The following PEX5L variants were observed in gnomAD, a reference collection of about 807,000 sequenced individuals.
PEX5L encodes the protein PEX5-related protein.
PEX5L carries 30 observed loss-of-function variants against 84.0 expected under a neutral mutation model. That is an observed-to-expected ratio of 0.36 (90% CI 0.27 to 0.48). The LOEUF is 0.48. Among genes scored for constraint, PEX5L ranks in the 20% least tolerant of loss-of-function variants. The pLI is 0.99. For synonymous variants in PEX5L, 270 were observed against 283.1 expected (o/e 0.95, Z 0.46); for missense variants, 533 against 754.6 (o/e 0.71, Z 3.44).
At chr3:180,022,984 A>G (rs1370478613) in intron 1 of PEX5L, among the ~76,000 whole-genome samples, 1 of 152,192 alleles carries the variant, frequency 6.6e-6, no homozygotes, top group Admixed American at 6.5e-5. Flanking sequence ...TCTACCCTCC[A>G]AGGCCACCGC....
chr3:180,010,069 G>A (rs1042469617), intron 1 of PEX5L, among the ~76,000 whole-genome samples: 25 of 151,588 alleles, frequency 1.6e-4, no homozygotes, highest in Admixed American at 3.9e-4. Flanking sequence ...TCAGCCTCCC[G>A]AATAGCTGGG....
At chr3:179,995,856 T>C (rs562300153) in intron 1 of PEX5L, among the ~76,000 whole-genome samples, 8 of 152,226 alleles carry the variant, frequency 5.3e-5, no homozygotes, top group Non-Finnish European at 1.0e-4. Context: ...AGCGCATTGA[T>C]TGGAAAAGAA....
chr3:179,806,190 A>G (rs1274333458), intron 14 of PEX5L, among the ~76,000 whole-genome samples: 2 of 152,138 alleles, frequency 1.3e-5, no homozygotes, highest in Non-Finnish European at 2.9e-5. Context: ...AAAAAAAGTG[A>G]ATGAAAGACG....
chr3:179,887,725 G>A lies in PEX5L; in HGVS notation c.258C>T (p.Leu86=), dbSNP rs1280992012. The A allele has an allele frequency of 6.2e-6, 10 of 1,614,040 alleles. No individual in the cohort carries two copies. Among genetic ancestry groups the A allele is most frequent in the Admixed American group, 3.3e-5 (2 of 60,008 alleles). Residue 86 remains leucine, a synonymous_variant, in exon 4 of 15, where the codon CTC becomes CTT. Coordinates refer to ENST00000467460, the MANE Select transcript of PEX5L (RefSeq NM_016559.3). ...CTATTGCTTCCGATTTGGTTTCACA[G>A]AGAAAGTCATCGATGGAGGGACTCA... ...PLLSPSIDDF[L]CETKSEAIAR...
At chr3:179,901,830 G>T (rs1025549367) in intron 2 of PEX5L, 1 of 152,140 alleles carries the variant, frequency 6.6e-6, no homozygotes, top group Non-Finnish European at 1.5e-5. Flanking sequence ...ATAAGAGCAG[G>T]CACAAATGGA....
At chr3:179,955,798 C>A in intron 2 of PEX5L, among the ~76,000 whole-genome samples, 1 of 151,960 alleles carries the variant, frequency 6.6e-6, no homozygotes, top group African/African-American at 2.4e-5. Flanking sequence ...AGAAAGTTAT[C>A]TAAATAATCA....
intron 10 of PEX5L, among the ~76,000 whole-genome samples, chr3:179,812,154 G>A (rs1278285723): frequency 6.6e-6 from 1 of 151,954 alleles, no homozygotes; most frequent in East Asian, 1.9e-4. Flanking sequence ...CGTTATATTA[G>A]GTATCTTAAA....
rs190349569 is a variant in PEX5L, at chr3:179,975,418, C to G, written c.22-3753G>C. Among the ~76,000 whole-genome samples, 21 of 152,194 alleles carry G rather than the reference C, an allele frequency of 1.4e-4. No individual in the cohort carries two copies. The East Asian group carries it at 4.1e-3, about 29-fold the overall frequency. ...AATTGAATTAAAAGGACTCTTCATA[C>G]TCATTAGGAATGGAATATATAAAGA... On this transcript the variant is annotated intron_variant, in intron 1 of 14. Coordinates refer to ENST00000467460, the MANE Select transcript of PEX5L (RefSeq NM_016559.3).
chr3:179,995,042 CTA>C (rs150512881), intron 1 of PEX5L, among the ~76,000 whole-genome samples: 1,821 of 145,544 alleles, frequency 0.013, 37 homozygotes, highest in African/African-American at 0.042. Flanking sequence ...ATAAACTCCC[CTA>C]TATATATATA....
rs1717406042 is a variant in PEX5L at position 179,797,513 on chromosome 3, C to T, written c.*4315G>A. 6.7e-6 allele frequency: 1 copy of T among 148,742 alleles called. No homozygotes were observed. Among genetic ancestry groups the T allele is most frequent in the Non-Finnish European group, 1.5e-5 (1 of 67,572 alleles). 9.2% of individuals were successfully genotyped at this position (148,742 alleles called of 1,614,324 possible). A position where few individuals can be genotyped will look rare whatever the true frequency, so the allele number is the denominator to read the frequency against. On this transcript the variant is annotated 3_prime_UTR_variant, in exon 15 of 15. Coordinates refer to ENST00000467460, the MANE Select transcript of PEX5L (RefSeq NM_016559.3). ...ACTAATGCATGCAATATTTTTGTAC[C>T]TGAGGTTATACGTTTTGCTTTTAAA...
chr3:179,996,341 A>T (rs989648964), intron 1 of PEX5L, among the ~76,000 whole-genome samples: 16 of 152,170 alleles, frequency 1.1e-4, no homozygotes, highest in African/African-American at 3.6e-4. Flanking sequence ...GATCAGGCTG[A>T]TTTTATTGAT....
chr3:179,986,869 G>A (rs1368441103), intron 1 of PEX5L, among the ~76,000 whole-genome samples: 1 of 152,066 alleles, frequency 6.6e-6, no homozygotes, highest in Non-Finnish European at 1.5e-5. Context: ...ATAACATAAT[G>A]CAAAAATACA....
At chr3:179,919,550 C>T (rs551141254) in intron 2 of PEX5L, among the ~76,000 whole-genome samples, 23 of 152,180 alleles carry the variant, frequency 1.5e-4, no homozygotes, top group Admixed American at 3.9e-4. Flanking sequence ...TCTTCCCCCT[C>T]GAGTAATTCG....
intron 7 of PEX5L, among the ~76,000 whole-genome samples, chr3:179,867,939 T>C (rs1235460086): frequency 6.6e-6 from 1 of 152,068 alleles, no homozygotes; most frequent in Non-Finnish European, 1.5e-5. Context: ...AGAAGGGAAA[T>C]TGTGAATTAT....
intron 8 of PEX5L, among the ~76,000 whole-genome samples, chr3:179,824,661 G>A (rs183005421): frequency 7.7e-5 from 11 of 143,118 alleles, no homozygotes; most frequent in Middle Eastern, 3.9e-3. Flanking sequence ...AGCCGAGATC[G>A]TGCCATTGCA....
Position 180,025,447 on chromosome 3 carries a change from G to C in PEX5L, c.21+11132C>G, listed in dbSNP as rs997739690. Among the ~76,000 whole-genome samples, 9 of 152,230 alleles carry C rather than the reference G, an allele frequency of 5.9e-5. 1 individual carries two copies. The highest frequency in any genetic ancestry group is 2.2e-4 in the African/African-American group (9 of 41,538). On this transcript the variant is annotated intron_variant, in intron 1 of 14. Transcript: ENST00000467460. ...CCACAGATGAGCTTACAAGAAGTTG[G>C]GGAGACTGACAAAAATAAATAATTA...
At chr3:179,996,536 T>C (rs1400440083) in intron 1 of PEX5L, among the ~76,000 whole-genome samples, 1 of 152,160 alleles carries the variant, frequency 6.6e-6, no homozygotes, top group Non-Finnish European at 1.5e-5. Context: ...CTTAGGGAGA[T>C]TGGGATGGTA....
intron 11 of PEX5L, among the ~76,000 whole-genome samples, chr3:179,810,974 C>T (rs1420698955): frequency 6.6e-6 from 1 of 152,102 alleles, no homozygotes; most frequent in Non-Finnish European, 1.5e-5. Flanking sequence ...TGACCTTGAC[C>T]TTTCCTGATC....
intron 2 of PEX5L, among the ~76,000 whole-genome samples, chr3:179,919,617 G>A (rs1578457718): frequency 6.6e-6 from 1 of 152,134 alleles, no homozygotes; most frequent in African/African-American, 2.4e-5. Flanking sequence ...TGAGTAGGTG[G>A]TCATGATCTG....
Sources: gnomAD v4.1 joint callset for allele counts (sites outside exome capture counted in the v4.1 genomes callset) on GRCh38, gnomAD v4.1.1 for gene constraint, MANE v1.5 for transcripts, NCBI Gene and HGNC (gene_info 2026-07-23, HGNC 2026-07-21) for gene names.